The following COIL variants were observed in gnomAD, a reference collection of about 807,000 sequenced individuals.
COIL encodes coilin p80.
In COIL, 28 loss-of-function variants were observed where a neutral mutation model predicts 51.6. The observed-to-expected ratio is 0.54, with a 90% confidence interval of 0.40 to 0.74. The LOEUF (loss-of-function observed/expected upper bound fraction) is 0.74, where lower values mean the gene tolerates loss of function less well. Ranked by LOEUF, COIL falls within the 30% of genes least tolerant of loss-of-function variation. COIL has a pLI of 0.00. For synonymous variants in COIL, 233 were observed against 255.8 expected, an observed-to-expected ratio of 0.91 and a Z score of 0.85; for missense variants, 667 against 685.9, an observed-to-expected ratio of 0.97 and a Z score of 0.31.
chr17:56,957,258 G>A (rs1017397594), intron 1 of COIL, among the ~76,000 whole-genome samples: 14 of 145,536 alleles, frequency 9.6e-5, no homozygotes, highest in African/African-American at 3.6e-4. Flanking sequence ...AAAAATAAGG[G>A]AGTCTCTCTG....
At chr17:56,952,973 G>T (rs1420668229) in intron 1 of COIL, among the ~76,000 whole-genome samples, 1 of 152,154 alleles carries the variant, frequency 6.6e-6, no homozygotes, top group Non-Finnish European at 1.5e-5. Flanking sequence ...TAAGCAAATT[G>T]TGAGTACTCA....
intron 1 of COIL, 104 bp downstream of exon 1, chr17:56,960,671 C>T (rs1328884857): frequency 9.0e-6 from 5 of 555,946 alleles, no homozygotes; most frequent in Non-Finnish European, 1.3e-5. Context: ...TTCCCCATCC[C>T]CCATCCCCTC....
At chr17:56,952,192 A>T in intron 1 of COIL, 1 of 498,744 alleles carries the variant, frequency 2.0e-6, no homozygotes, top group Non-Finnish European at 4.0e-6. Context: ...AGCTGGGAAA[A>T]CTGTTGTGAA....
intron 6 of COIL, among the ~76,000 whole-genome samples, chr17:56,940,428 T>C (rs941749894): frequency 6.6e-6 from 1 of 152,120 alleles, no homozygotes; most frequent in Non-Finnish European, 1.5e-5. Context: ...AGGCTTTCTA[T>C]TCTACTTCAA....
chr17:56,940,856 C>T (rs1008142737), intron 6 of COIL, among the ~76,000 whole-genome samples: 5 of 152,078 alleles, frequency 3.3e-5, no homozygotes, highest in African/African-American at 4.8e-5. Flanking sequence ...ATAAATCGGC[C>T]GGGCGCGGTG....
intron 5 of COIL, among the ~76,000 whole-genome samples, chr17:56,945,323 G>C (rs1262190173): frequency 2.0e-5 from 3 of 151,974 alleles, no homozygotes; most frequent in Non-Finnish European, 4.4e-5. Flanking sequence ...GGGCGATAGA[G>C]TGAGACTCTG....
At chr17:56,945,785 G>A (rs1404067514) in intron 5 of COIL, among the ~76,000 whole-genome samples, 1 of 152,076 alleles carries the variant, frequency 6.6e-6, no homozygotes, top group Non-Finnish European at 1.5e-5. Context: ...GCACTATCTC[G>A]GCTCACTGCA....
At chr17:56,943,927 G>T (rs1468206435) in intron 5 of COIL, among the ~76,000 whole-genome samples, 1 of 151,944 alleles carries the variant, frequency 6.6e-6, no homozygotes, top group East Asian at 1.9e-4. Flanking sequence ...GTGCAGTGAC[G>T]CAATCATGAC....
chr17:56,957,643 T>A (rs929552852), intron 1 of COIL, among the ~76,000 whole-genome samples: 4 of 151,854 alleles, frequency 2.6e-5, no homozygotes, highest in Non-Finnish European at 5.9e-5. Flanking sequence ...ATAAATTAAT[T>A]AATTAATTAA....
intron 1 of COIL, chr17:56,951,346 T>C (rs1910365956): frequency 5.3e-6 from 1 of 186,962 alleles, no homozygotes; most frequent in Non-Finnish European, 1.1e-5. Context: ...AGCTGATAAG[T>C]AGCAGAAACG....
At chr17:56,952,395 C>A in intron 1 of COIL, 1 of 412,838 alleles carries the variant, frequency 2.4e-6, no homozygotes, top group Non-Finnish European at 4.6e-6. Flanking sequence ...TCCTGGGATT[C>A]TTTTTATAAC....
intron 6 of COIL, 148 bp from the exon 7 acceptor site, chr17:56,939,302 G>C: frequency 1.7e-6 from 1 of 599,428 alleles, no homozygotes; most frequent in Non-Finnish European, 3.0e-6. Flanking sequence ...TTGCAGTATA[G>C]TAACTCTTTA....
intron 5 of COIL, among the ~76,000 whole-genome samples, chr17:56,944,557 C>A (rs1467098466): frequency 6.6e-6 from 1 of 151,372 alleles, no homozygotes; most frequent in Admixed American, 6.6e-5. Context: ...GCCCACTGCA[C>A]TCCAGCCTGG....
chr17:56,951,126 A>G (rs1816904628), intron 1 of COIL, 130 bp from the exon 2 acceptor site: 1 of 875,250 alleles, frequency 1.1e-6, no homozygotes. Flanking sequence ...CACATCACTT[A>G]AAGACAAAAG....
intron 1 of COIL, among the ~76,000 whole-genome samples, chr17:56,959,614 C>T (rs903477531): frequency 1.3e-5 from 2 of 152,160 alleles, no homozygotes; most frequent in African/African-American, 4.8e-5. Flanking sequence ...CAAAATGATA[C>T]GCCACCAGAA....
intron 1 of COIL, among the ~76,000 whole-genome samples, chr17:56,960,315 G>A (rs1910564330): frequency 6.6e-6 from 1 of 150,906 alleles, no homozygotes; most frequent in Non-Finnish European, 1.5e-5. Flanking sequence ...ACTGAGGTCA[G>A]GAGTTCGAGA....
At chr17:56,940,337 C>T (rs1021812531) in intron 6 of COIL, 3 of 152,346 alleles carry the variant, frequency 2.0e-5, no homozygotes, top group African/African-American at 7.2e-5. Context: ...TCTTGAACTC[C>T]TGGACTCAAG....
intron 4 of COIL, 144 bp from the exon 5 acceptor site, chr17:56,946,655 T>C (rs111959113): frequency 3.0e-5 from 17 of 563,914 alleles, no homozygotes; most frequent in African/African-American, 2.3e-4. Flanking sequence ...AATTTAGAAA[T>C]AAATCCACAT....
intron 6 of COIL, among the ~76,000 whole-genome samples, chr17:56,939,597 G>A (rs866043530): frequency 3.3e-5 from 5 of 151,978 alleles, no homozygotes; most frequent in East Asian, 1.9e-4. Flanking sequence ...AAAATTAGCC[G>A]GGCATGGTGA....
Sources: gnomAD v4.1 joint callset for allele counts (sites outside exome capture counted in the v4.1 genomes callset) on GRCh38, gnomAD v4.1.1 for gene constraint, MANE v1.5 for transcripts, NCBI Gene and HGNC (gene_info 2026-07-23, HGNC 2026-07-21) for gene names.